ZBTB7C: variants seen among roughly 807,000 people sequenced by gnomAD.
ZBTB7C encodes zinc finger and BTB domain-containing protein 7C.
ZBTB7C carries 8 observed loss-of-function variants against 25.7 expected under a neutral mutation model. The observed-to-expected ratio is 0.31, with a 90% CI of 0.18 to 0.56. ZBTB7C has a LOEUF of 0.56. ZBTB7C is among the 20% of genes least tolerant of loss of function. The probability of loss-of-function intolerance (pLI) is 0.91; values close to 1 mark genes in which losing one functional copy is unlikely to be tolerated. For synonymous variants in ZBTB7C, 394 were observed against 369.0 expected (o/e 1.07, Z -0.78); for missense variants, 824 against 855.2 (o/e 0.96, Z 0.46).
intron 3 of ZBTB7C, among the ~76,000 whole-genome samples, chr18:48,158,346 G>A (rs944708202): frequency 4.6e-5 from 7 of 152,160 alleles, no homozygotes; most frequent in African/African-American, 1.7e-4. Context: ...GATGACCATG[G>A]GTCGGAATGA....
chr18:48,316,851 G>C (rs995025317), intron 2 of ZBTB7C, among the ~76,000 whole-genome samples: 15 of 152,210 alleles, frequency 9.9e-5, no homozygotes, highest in Non-Finnish European at 1.5e-4. Flanking sequence ...ACGTGGTGAT[G>C]AGCAAGCTGC....
chr18:48,113,266 A>T (rs73956496), intron 3 of ZBTB7C, among the ~76,000 whole-genome samples: 11,921 of 152,292 alleles, frequency 0.078, 1,370 homozygotes, highest in African/African-American at 0.25. Context: ...CATCTGCTAA[A>T]TGGAGATAAT....
chr18:48,028,872 C>T lies in ZBTB7C; in HGVS notation c.*388G>A. The T allele has an allele frequency of 4.3e-6, 1 of 231,234 alleles. No individual in the cohort carries two copies. The highest frequency in any genetic ancestry group is 7.3e-5 in the South Asian group (1 of 13,718). 14.3% of individuals were successfully genotyped at this position (231,234 alleles called of 1,614,324 possible). On this transcript the variant is annotated 3_prime_UTR_variant, in exon 5 of 5. Transcript: ENST00000590800. ...GGGTGGGGCTTAACCAAGGTGCATG[C>T]CCAGCCCCTACCTCCTCCTGCTGTG... is the stretch of plus-strand genomic sequence containing the variant.
At chr18:48,153,690 T>G (rs2040747481) in intron 3 of ZBTB7C, among the ~76,000 whole-genome samples, 1 of 152,238 alleles carries the variant, frequency 6.6e-6, no homozygotes, top group Non-Finnish European at 1.5e-5. Context: ...GCCATAGGAC[T>G]GTGAATTGGT....
rs557700361 is a variant in ZBTB7C at position 48,367,411 on chromosome 18, C to T, written c.-303-29013G>A. ...AGACTCTAAAAGGTAACAAGAAGAA[C>T]ACTATTGGCTAGGGATCATGTGACC... is the stretch of plus-strand genomic sequence containing the variant. On this transcript the variant is annotated intron_variant, in intron 1 of 4. Transcript: ENST00000590800. Among the ~76,000 whole-genome samples, 3 of 139,414 alleles carry T rather than the reference C, an allele frequency of 2.2e-5. No homozygotes were observed. The South Asian group carries it at 6.8e-4, about 32-fold the overall frequency. 91.5% of individuals were successfully genotyped at this position (139,414 alleles called of 152,430 possible). A position where few individuals can be genotyped will look rare whatever the true frequency, so the allele number is the denominator to read the frequency against.
intron 2 of ZBTB7C, among the ~76,000 whole-genome samples, chr18:48,230,690 T>G (rs2043227002): frequency 6.6e-6 from 1 of 152,174 alleles, no homozygotes; most frequent in Non-Finnish European, 1.5e-5. Flanking sequence ...GGTGGGGCTG[T>G]GCAGCTACTG....
intron 2 of ZBTB7C, among the ~76,000 whole-genome samples, chr18:48,257,521 A>G (rs2044054331): frequency 6.6e-6 from 1 of 152,162 alleles, no homozygotes; most frequent in South Asian, 2.1e-4. Context: ...CTTCCAGAAA[A>G]CTGAAGGGAA....
intron 2 of ZBTB7C, among the ~76,000 whole-genome samples, chr18:48,225,578 T>C (rs2043067666): frequency 6.6e-6 from 1 of 152,126 alleles, no homozygotes; most frequent in Non-Finnish European, 1.5e-5. Flanking sequence ...CCCCATGAGA[T>C]GGTAGCACTT....
At chr18:48,339,948 C>T (rs551031747) in intron 1 of ZBTB7C, among the ~76,000 whole-genome samples, 1 of 152,352 alleles carries the variant, frequency 6.6e-6, no homozygotes, top group African/African-American at 2.4e-5. Context: ...CTACAGCTCA[C>T]ACTCCAAGTC....
chr18:48,255,085 G>A (rs906485392), intron 2 of ZBTB7C, among the ~76,000 whole-genome samples: 78 of 152,090 alleles, frequency 5.1e-4, no homozygotes, highest in African/African-American at 1.9e-3. Flanking sequence ...TCTTAACTGA[G>A]CCCTTTAATA....
chr18:48,148,453 T>C (rs984146967), intron 3 of ZBTB7C: 2 of 152,156 alleles, frequency 1.3e-5, no homozygotes, highest in African/African-American at 4.8e-5. Flanking sequence ...TATTTGAAAA[T>C]GATGCATCAG....
chr18:48,127,187 G>C (rs946638703), intron 3 of ZBTB7C, among the ~76,000 whole-genome samples: 1 of 152,172 alleles, frequency 6.6e-6, no homozygotes, highest in Non-Finnish European at 1.5e-5. Context: ...CAAGGCCACG[G>C]AGCCTGCAGA....
chr18:48,231,889 G>A, intron 2 of ZBTB7C, among the ~76,000 whole-genome samples: 1 of 152,322 alleles, frequency 6.6e-6, no homozygotes, highest in Middle Eastern at 3.4e-3. Flanking sequence ...TTGTGGTAGG[G>A]TCTGGTCCCG....
chr18:48,298,279 CAAAAA>C (rs35832838), intron 2 of ZBTB7C, among the ~76,000 whole-genome samples: 1 of 121,068 alleles, frequency 8.3e-6, no homozygotes, highest in African/African-American at 3.0e-5. Flanking sequence ...GACTCTGTCT[CAAAAA>C]AAAAAAAAAA....
At chr18:48,334,835 T>TGAAGGACATGGAGCTTTTAGA (rs1176781691) in intron 2 of ZBTB7C, among the ~76,000 whole-genome samples, 23 of 152,272 alleles carry the variant, frequency 1.5e-4, no homozygotes, top group Non-Finnish European at 3.2e-4. Flanking sequence ...GACAGAGGGA[T>TGAAGGACATGGAGCTTTTAGA]GAAGGACATG....
At chr18:48,235,250 C>G (rs547547064) in intron 2 of ZBTB7C, among the ~76,000 whole-genome samples, 2 of 152,124 alleles carry the variant, frequency 1.3e-5, no homozygotes, top group Non-Finnish European at 2.9e-5. Flanking sequence ...TTTATAACCT[C>G]CTTTAGAAAA....
chr18:48,304,376 T>C (rs2045617691), intron 2 of ZBTB7C, among the ~76,000 whole-genome samples: 3 of 152,162 alleles, frequency 2.0e-5, no homozygotes, highest in Non-Finnish European at 4.4e-5. Flanking sequence ...ACACCTGTTG[T>C]TAAAAAAAGA....
At chr18:48,148,595 C>T (rs1053416785) in intron 3 of ZBTB7C, 2 of 152,178 alleles carry the variant, frequency 1.3e-5, no homozygotes, top group African/African-American at 4.8e-5. Context: ...AAGGTCACTT[C>T]CTGCCAGGTC....
chr18:48,234,360 G>A (rs116005411), intron 2 of ZBTB7C, among the ~76,000 whole-genome samples: 2,912 of 152,192 alleles, frequency 0.019, 35 homozygotes, highest in South Asian at 0.037. Flanking sequence ...ACTGATGGCA[G>A]AAAAAAATTG....
Sources: gnomAD v4.1 joint callset for allele counts (sites outside exome capture counted in the v4.1 genomes callset) on GRCh38, gnomAD v4.1.1 for gene constraint, MANE v1.5 for transcripts, NCBI Gene and HGNC (gene_info 2026-07-23, HGNC 2026-07-21) for gene names.